DISC1: variants seen among roughly 807,000 people sequenced by gnomAD.
The protein encoded by DISC1 is disrupted in schizophrenia 1 protein.
Under a neutral mutation model 84.5 loss-of-function variants are expected in DISC1, and 57 were observed. The ratio of observed to expected loss-of-function variants is 0.67; its 90% confidence interval spans 0.55 to 0.84. DISC1 has a LOEUF of 0.84. Ranked by LOEUF, DISC1 falls within the 40% of genes least tolerant of loss-of-function variation. The pLI, the probability that DISC1 is intolerant of heterozygous loss-of-function variation, is 0.00. For synonymous variants in DISC1, 411 were observed against 415.2 expected (o/e 0.99, Z 0.12); for missense variants, 1,000 against 1,057.8 (o/e 0.95, Z 0.76).
chr1:231,839,876 G>A lies in DISC1; in HGVS notation c.1981+21359G>A, dbSNP rs141590697. Among the ~76,000 whole-genome samples, 66 of 152,050 alleles carry A rather than the reference G, an allele frequency of 4.3e-4. 2 individuals carry two copies. The highest frequency in any genetic ancestry group is 1.4e-3 in the African/African-American group (59 of 41,450). On this transcript the variant is annotated intron_variant, in intron 9 of 12. Coordinates refer to ENST00000439617, the MANE Select transcript of DISC1 (RefSeq NM_018662.3). Reference sequence around the variant, plus strand: ...GGTGCCAGGCTCTTTTTAAACAACCGGATCTTGTGTGAACTCATTACCACA... The same window carrying A: ...GGTGCCAGGCTCTTTTTAAACAACCAGATCTTGTGTGAACTCATTACCACA...
At chr1:232,006,254 G>A (rs1294713548) in intron 10 of DISC1, among the ~76,000 whole-genome samples, 3 of 152,194 alleles carry the variant, frequency 2.0e-5, no homozygotes, top group Admixed American at 2.0e-4. Flanking sequence ...ACAGGCAGAG[G>A]TTGGAACTGT....
chr1:231,647,863 CTG>C (rs1176137537), intron 1 of DISC1, among the ~76,000 whole-genome samples: 2 of 152,100 alleles, frequency 1.3e-5, no homozygotes, highest in Admixed American at 1.3e-4. Flanking sequence ...CTCTGTTTGT[CTG>C]TTATTGGTGT....
intron 10 of DISC1, among the ~76,000 whole-genome samples, chr1:231,970,575 T>A (rs1345473286): frequency 6.6e-6 from 1 of 152,232 alleles, no homozygotes; most frequent in Admixed American, 6.5e-5. Flanking sequence ...CTGTCATCAT[T>A]TTCTTTGCCA....
chr1:231,863,430 C>A (rs112617371), intron 9 of DISC1, among the ~76,000 whole-genome samples: 1 of 151,936 alleles, frequency 6.6e-6, no homozygotes, highest in South Asian at 2.1e-4. Context: ...GGGGTTTCAC[C>A]ATGTTGGCCA....
At chr1:231,970,077 T>G (rs2102815727) in intron 10 of DISC1, among the ~76,000 whole-genome samples, 1 of 152,350 alleles carries the variant, frequency 6.6e-6, no homozygotes, top group South Asian at 2.1e-4. Flanking sequence ...CATGTGTCTT[T>G]ATAGCAGCAA....
At chr1:231,641,587 T>C (rs2059685039) in intron 1 of DISC1, among the ~76,000 whole-genome samples, 1 of 152,158 alleles carries the variant, frequency 6.6e-6, no homozygotes, top group Non-Finnish European at 1.5e-5. Context: ...CCGGAGAGGG[T>C]TGCCGCTGCT....
At chr1:231,720,438 AG>A (rs2069497463) in intron 3 of DISC1, among the ~76,000 whole-genome samples, 1 of 152,060 alleles carries the variant, frequency 6.6e-6, no homozygotes, top group Admixed American at 6.5e-5. Context: ...TCCTGGGCTT[AG>A]GCGATCCTCC....
chr1:232,026,546 CTCAT>C lies in DISC1; in HGVS notation c.2424_2425+2del, dbSNP rs767751519. The stretch of plus-strand genomic sequence containing the variant: ...AGCAATCCACAGTCATGATGAAGAT[CTCAT>C]TCATATCCTTTTCATCTTGCAGATG... On this transcript the variant is annotated frameshift_variant and splice_region_variant, in exon 12 of 13. Coordinates refer to ENST00000439617, the MANE Select transcript of DISC1 (RefSeq NM_018662.3). LOFTEE classifies it high-confidence loss of function. The C allele has an allele frequency of 3.8e-4, 605 of 1,596,398 alleles. No individual in the cohort carries two copies. Among genetic ancestry groups the C allele is most frequent in the Non-Finnish European group, 4.9e-4 (577 of 1,169,108 alleles).
intron 10 of DISC1, among the ~76,000 whole-genome samples, chr1:231,978,432 T>G (rs1663123478): frequency 6.6e-6 from 1 of 152,216 alleles, no homozygotes; most frequent in Non-Finnish European, 1.5e-5. Context: ...AAAAATAAAC[T>G]TTCCTCTATT....
At chr1:231,828,443 C>T (rs2082010319) in intron 9 of DISC1, among the ~76,000 whole-genome samples, 1 of 152,182 alleles carries the variant, frequency 6.6e-6, no homozygotes, top group Non-Finnish European at 1.5e-5. Context: ...CTGAGAAGGT[C>T]ACCAAACACG....
chr1:231,833,545 G>A (rs759012129), intron 9 of DISC1, among the ~76,000 whole-genome samples: 1 of 151,770 alleles, frequency 6.6e-6, no homozygotes, highest in African/African-American at 2.4e-5. Context: ...GGGGCTCTGG[G>A]AGTGGCTGCC....
rs117789357 is a variant in DISC1, at chr1:231,673,877, G to T, written c.68-19949G>T. On this transcript the variant is annotated intron_variant, in intron 1 of 12. Coordinates refer to ENST00000439617, the MANE Select transcript of DISC1 (RefSeq NM_018662.3). ...GGCTCACGTTTGAGTATTGACAACT[G>T]TGAAAAGAGGAGGTATAGACTCCTT... Among the ~76,000 whole-genome samples the T allele has an allele frequency of 2.8e-4, 43 of 152,326 alleles. 2 individuals carry two copies. The East Asian group carries it at 7.5e-3, about 27-fold the overall frequency.
At chr1:231,725,625 G>A (rs143878973) in intron 3 of DISC1, among the ~76,000 whole-genome samples, 275 of 152,316 alleles carry the variant, frequency 1.8e-3, no homozygotes, top group Non-Finnish European at 2.1e-3. Flanking sequence ...GGAGCAGTAC[G>A]CTTCATTAAG....
chr1:231,720,031 A>G (rs2069418918), intron 3 of DISC1, among the ~76,000 whole-genome samples: 1 of 152,216 alleles, frequency 6.6e-6, no homozygotes, highest in Non-Finnish European at 1.5e-5. Flanking sequence ...CAGGCTTGAT[A>G]GAACACTAAC....
chr1:232,010,871 G>A (rs1667963452), intron 11 of DISC1, among the ~76,000 whole-genome samples: 1 of 152,148 alleles, frequency 6.6e-6, no homozygotes, highest in African/African-American at 2.4e-5. Context: ...TTTCCTTTGG[G>A]TATAGGTTGT....
chr1:231,924,935 C>A (rs1357459723), intron 9 of DISC1, among the ~76,000 whole-genome samples: 2 of 149,992 alleles, frequency 1.3e-5, no homozygotes, highest in African/African-American at 4.9e-5. Flanking sequence ...GGATTACAGG[C>A]GTGAGTCACT....
chr1:231,965,133 G>T lies in DISC1; in HGVS notation c.2042+6245G>T, dbSNP rs371896598. Among the ~76,000 whole-genome samples the T allele has an allele frequency of 6.6e-4, 101 of 152,350 alleles. 2 individuals are homozygous for T. The highest frequency in any genetic ancestry group is 2.3e-3 in the African/African-American group (97 of 41,590). On this transcript the variant is annotated intron_variant, in intron 10 of 12. Transcript: ENST00000439617. ...AAGTATATCAAGTGAGTTAGAAAGT[G>T]AGGAAGTATCTGATGCTGGCAGTGG...
At position 231,694,524 on chromosome 1, in the gene DISC1, C is replaced by T; in HGVS notation, c.766C>T (p.His256Tyr). 1 of 1,614,262 alleles carries T rather than the reference C, an allele frequency of 6.2e-7. No homozygotes were observed. Among genetic ancestry groups the T allele is most frequent in the Non-Finnish European group, 8.5e-7 (1 of 1,180,040 alleles). Residue 256 changes from histidine (H) to tyrosine (Y), a missense_variant, in exon 2 of 13, where the codon CAC becomes TAC. Transcript: ENST00000439617. ...CAAAGCTGCCAGCTTGGACGGGCCT[C>T]ACGAGGACCCGCGATGTCTCTCTCG... ...GAKAASLDGP[H>Y]EDPRCLSRPF...
chr1:231,825,156 C>A (rs2081772937), intron 9 of DISC1, among the ~76,000 whole-genome samples: 1 of 152,080 alleles, frequency 6.6e-6, no homozygotes, highest in African/African-American at 2.4e-5. Flanking sequence ...TTTAAAAGTC[C>A]CTACTATTGT....
Sources: allele counts gnomAD v4.1 joint callset (sites outside exome capture counted in the v4.1 genomes callset), GRCh38; gene constraint gnomAD v4.1.1; transcripts MANE v1.5; gene names NCBI Gene and HGNC (gene_info 2026-07-23, HGNC 2026-07-21).